Variants in NIBAN3 observed in about 807,000 individuals in gnomAD.
The protein encoded by NIBAN3 is niban apoptosis regulator 3, also known as protein Niban 3.
A neutral mutation model predicts 76.4 loss-of-function variants in NIBAN3; 66 were observed. The observed-to-expected ratio is 0.86, with a 90% CI of 0.71 to 1.06. The LOEUF (loss-of-function observed/expected upper bound fraction) is 1.06. NIBAN3 is among the 50% of genes least tolerant of loss of function. The pLI, the probability that NIBAN3 is intolerant of heterozygous loss-of-function variation, is 0.00. For synonymous variants in NIBAN3, 360 were observed against 355.2 expected, an observed-to-expected ratio of 1.01 and a Z score of -0.15; for missense variants, 808 against 810.7, an observed-to-expected ratio of 1.00 and a Z score of 0.04.
At chr19:17,523,533 C>T, upstream of NIBAN3, 3 of 1,306,830 alleles carry the variant, frequency 2.3e-6, no homozygotes, top group Non-Finnish European at 3.2e-6. Flanking sequence ...CCGTGGCCCC[C>T]AGAGCGGCAG....
At chr19:17,548,740 A>G (rs2076103519) in intron 13 of NIBAN3, among the ~76,000 whole-genome samples, 1 of 152,272 alleles carries the variant, frequency 6.6e-6, no homozygotes, top group African/African-American at 2.4e-5. Flanking sequence ...AGCTTGGCCA[A>G]CATGGTGAAA....
At chr19:17,549,408 T>C (rs758135453) in intron 13 of NIBAN3, 36 bp from the exon 14 acceptor site, 1 of 1,475,926 alleles carries the variant, frequency 6.8e-7, no homozygotes, top group East Asian at 2.3e-5. Context: ...ATGCCTGGGC[T>C]TCCCCAGGTG....
chr19:17,553,662 C>CT, downstream of NIBAN3: 1 of 1,018,248 alleles, frequency 9.8e-7, no homozygotes, highest in Non-Finnish European at 1.5e-6. Flanking sequence ...AGCTGTCTTC[C>CT]TTTTACCCCG....
intron 14 of NIBAN3, 36 bp downstream of exon 14, chr19:17,549,563 G>A: frequency 1.3e-6 from 2 of 1,536,004 alleles, no homozygotes; most frequent in Non-Finnish European, 1.8e-6. Context: ...ACATGCCAGT[G>A]ATTGCTGGGG....
rs185324153 is a variant in NIBAN3, at chr19:17,548,703, A to T, written c.1667-741A>T. On this transcript the variant is annotated intron_variant, in intron 13 of 14. Transcript: ENST00000599164. ...CACTTTGGGAGGTTGAGGAGGGTGG[A>T]TCACTGGAGGTCAGGAGTTTGAGAC... Among the ~76,000 whole-genome samples the T allele has an allele frequency of 7.2e-5, 11 of 152,296 alleles. No individual in the cohort carries two copies. The East Asian group carries it at 2.1e-3, about 29-fold the overall frequency.
At chr19:17,526,402 G>A (rs1160530316), upstream of NIBAN3, among the ~76,000 whole-genome samples, 1 of 151,920 alleles carries the variant, frequency 6.6e-6, no homozygotes, top group Non-Finnish European at 1.5e-5. Flanking sequence ...TAACATTTTG[G>A]GAGGCCGAGG....
At chr19:17,548,559 G>C (rs2144778361) in intron 13 of NIBAN3, among the ~76,000 whole-genome samples, 1 of 152,326 alleles carries the variant, frequency 6.6e-6, no homozygotes, top group Admixed American at 6.5e-5. Flanking sequence ...ACAAGCCAGG[G>C]AAGGTGTGTG....
chr19:17,549,252 T>G (rs1350641845), intron 13 of NIBAN3, among the ~76,000 whole-genome samples, 192 bp from the exon 14 acceptor site: 1 of 152,170 alleles, frequency 6.6e-6, no homozygotes, highest in Non-Finnish European at 1.5e-5. Flanking sequence ...ACTGGCAGTG[T>G]CCAGGCTCAG....
At chr19:17,549,101 G>C (rs559634768) in intron 13 of NIBAN3, among the ~76,000 whole-genome samples, 11 of 152,220 alleles carry the variant, frequency 7.2e-5, no homozygotes, top group African/African-American at 2.6e-4. Context: ...AGGAATAAAA[G>C]CTATTTTCTG....
chr19:17,546,699 T>C lies in NIBAN3; in HGVS notation c.1568T>C (p.Phe523Ser). 1.3e-6 allele frequency: 2 copies of C among 1,584,310 alleles called. No individual in the cohort carries two copies. The highest frequency in any genetic ancestry group is 2.3e-5 in the East Asian group (1 of 43,868). Residue 523 changes from phenylalanine (F) to serine (S), a missense_variant, in exon 13 of 15, where the codon TTC (phenylalanine) becomes TCC (serine). Physicochemically the swap from Phe to Ser is radical, Grantham distance 155 (BLOSUM62 -2). Transcript: ENST00000599164. ...CCATGGTTCCAGGAGCTGCCTGAGTTCGAGGGGGATGTCCTTGCCGTGGGC... is the reference window on the plus strand; with the variant it reads ...CCATGGTTCCAGGAGCTGCCTGAGTCCGAGGGGGATGTCCTTGCCGTGGGC... ...EPGCKKELPE[F>S]EGDVLAVGSQ...
chr19:17,523,393 C>T (rs748026077), upstream of NIBAN3: 9 of 1,529,458 alleles, frequency 5.9e-6, no homozygotes, highest in East Asian at 2.5e-5. Context: ...TTTGCTTCAA[C>T]GTCTTGTCCC....
upstream of NIBAN3, among the ~76,000 whole-genome samples, chr19:17,525,937 TAAACA>T (rs1250617332): frequency 1.3e-5 from 2 of 151,660 alleles, no homozygotes; most frequent in African/African-American, 4.9e-5. Flanking sequence ...CCATCTCTAC[TAAACA>T]AAACAAAACA....
intron 5 of NIBAN3, among the ~76,000 whole-genome samples, chr19:17,538,870 C>T (rs375767907): frequency 2.2e-4 from 33 of 152,270 alleles, no homozygotes; most frequent in African/African-American, 7.0e-4. Flanking sequence ...GTTGACTGCA[C>T]AAACGATGCA....
rs2075902630 is a variant in NIBAN3, at chr19:17,539,694, T to A, written c.908T>A (p.Leu303Gln). Residue 303 changes from leucine (L) to glutamine (Q), a missense_variant, in exon 8 of 15, where the codon CTG (leucine) becomes CAG (glutamine). Transcript: ENST00000599164. The stretch of plus-strand genomic sequence containing the variant: ...GAAAAGGACGAGCTGCTTGCGTCGC[T>A]GGAGAAGACGATCCGCCCGGACGTG... Reference protein sequence around the residue: ...QPEKDELLASLEKTIRPDVDQ... With the variant: ...QPEKDELLASQEKTIRPDVDQ... The A allele has an allele frequency of 1.1e-5, 17 of 1,553,180 alleles. No homozygotes were observed. The highest frequency in any genetic ancestry group is 1.5e-5 in the Non-Finnish European group (17 of 1,149,426).
upstream of NIBAN3, among the ~76,000 whole-genome samples, chr19:17,526,474 G>C (rs1331315735): frequency 6.6e-6 from 1 of 151,078 alleles, no homozygotes; most frequent in Non-Finnish European, 1.5e-5. Context: ...AAGACCCCCC[G>C]TGTCTACAAA....
chr19:17,537,343 G>A (rs778560354), intron 4 of NIBAN3, 33 bp from the exon 5 acceptor site: 19 of 1,605,836 alleles, frequency 1.2e-5, no homozygotes, highest in African/African-American at 2.7e-5. Flanking sequence ...GTGAATGAAC[G>A]TCTAGAAGAT....
chr19:17,547,654 A>C (rs1228807178), intron 13 of NIBAN3, among the ~76,000 whole-genome samples: 1 of 136,024 alleles, frequency 7.4e-6, no homozygotes, highest in East Asian at 2.3e-4. Flanking sequence ...CACCCGGCCA[A>C]GACTCCATCT....
intron 12 of NIBAN3, chr19:17,545,930 TC>T: frequency 2.3e-6 from 1 of 437,710 alleles, no homozygotes; most frequent in South Asian, 1.6e-5. Flanking sequence ...AAAAGGAGAC[TC>T]CCTTTCCCGG....
intron 10 of NIBAN3, among the ~76,000 whole-genome samples, 191 bp from the exon 11 acceptor site, chr19:17,543,126 C>T (rs2075985156): frequency 6.6e-6 from 1 of 152,142 alleles, no homozygotes; most frequent in South Asian, 2.1e-4. Context: ...TGCACATAGT[C>T]CCCCACAGAC....
Sources: gnomAD v4.1 joint callset for allele counts (sites outside exome capture counted in the v4.1 genomes callset) on GRCh38, gnomAD v4.1.1 for gene constraint, MANE v1.5 for transcripts, NCBI Gene and HGNC (gene_info 2026-07-23, HGNC 2026-07-21) for gene names.